The following TTC3 variants were observed in gnomAD, a reference collection of about 807,000 sequenced individuals.
TTC3 encodes the protein E3 ubiquitin-protein ligase TTC3.
In TTC3, 180 loss-of-function variants were observed where a neutral mutation model predicts 249.6. The observed-to-expected ratio is 0.72, with a 90% CI of 0.64 to 0.82. The LOEUF is 0.82. Among genes scored for constraint, TTC3 ranks in the 40% least tolerant of loss-of-function variants. The pLI, the probability that TTC3 is intolerant of heterozygous loss-of-function variation, is 0.00. For missense variants in TTC3, 2,061 were observed against 2,398.4 expected (o/e 0.86, Z 2.94); for synonymous variants, 717 against 805.0 (o/e 0.89, Z 1.85).
At chr21:37,195,710 C>T (rs767288497) in exon 42 of TTC3, 11 of 1,613,200 alleles carry the variant, frequency 6.8e-6, no homozygotes, top group East Asian at 6.7e-5. Context: ...CTTCAGGCGA[C>T]GATGGCCAAG....
intron 45 of TTC3, 108 bp from the exon 46 acceptor site, chr21:37,201,332 A>T: frequency 7.1e-7 from 1 of 1,407,104 alleles, no homozygotes; most frequent in Non-Finnish European, 1.0e-6. Context: ...CAGGCCCAAG[A>T]GACCAAGGGC....
intron 21 of TTC3, among the ~76,000 whole-genome samples, chr21:37,145,921 T>C (rs187274422): frequency 6.6e-6 from 1 of 152,340 alleles, no homozygotes; most frequent in African/African-American, 2.4e-5. Flanking sequence ...CCTCCCACTG[T>C]GCCTCACCTC....
At chr21:37,113,606 T>C (rs994535319) in intron 11 of TTC3, among the ~76,000 whole-genome samples, 1 of 152,132 alleles carries the variant, frequency 6.6e-6, no homozygotes, top group Non-Finnish European at 1.5e-5. Context: ...AATGGCCATA[T>C]TGCCCAAGGT....
At chr21:37,170,862 G>T (rs2081713012) in intron 34 of TTC3, among the ~76,000 whole-genome samples, 1 of 152,092 alleles carries the variant, frequency 6.6e-6, no homozygotes, top group Non-Finnish European at 1.5e-5. Context: ...TTAATATTTT[G>T]ATGTGTAGCC....
At chr21:37,165,717 G>C in exon 33 of TTC3, 1 of 1,613,700 alleles carries the variant, frequency 6.2e-7, no homozygotes, top group South Asian at 1.1e-5. Flanking sequence ...ATTGACAACT[G>C]TATTGCACTG....
chr21:37,149,697 G>T (rs986575981), intron 23 of TTC3, among the ~76,000 whole-genome samples: 1 of 151,658 alleles, frequency 6.6e-6, no homozygotes, highest in Non-Finnish European at 1.5e-5. Context: ...GCTTTATTTT[G>T]TGTGGCTCTA....
At chr21:37,130,800 C>CTTTAT (rs55746303) in intron 16 of TTC3, among the ~76,000 whole-genome samples, 1 of 151,416 alleles carries the variant, frequency 6.6e-6, no homozygotes, top group Non-Finnish European at 1.5e-5. Context: ...TCTTTTTCTT[C>CTTTAT]TTCCTTTGAG....
At chr21:37,161,045 G>A (rs1391048328) in intron 30 of TTC3, among the ~76,000 whole-genome samples, 187 bp downstream of exon 30, 1 of 151,692 alleles carries the variant, frequency 6.6e-6, no homozygotes, top group Admixed American at 6.6e-5. Context: ...TTATATAATA[G>A]CAAGTCTTGA....
intron 21 of TTC3, among the ~76,000 whole-genome samples, chr21:37,146,249 C>T (rs2078972057): frequency 6.6e-6 from 1 of 152,010 alleles, no homozygotes; most frequent in South Asian, 2.1e-4. Context: ...AAACAAATGG[C>T]CAGTCTTGGT....
chr21:37,136,291 C>T (rs1472077487), intron 18 of TTC3, among the ~76,000 whole-genome samples: 2 of 152,130 alleles, frequency 1.3e-5, no homozygotes, highest in Admixed American at 6.6e-5. Flanking sequence ...GATTAAGCTT[C>T]GTGAGGAAGG....
exon 23 of TTC3, chr21:37,148,587 A>G (rs751573826): frequency 4.1e-5 from 66 of 1,604,906 alleles, no homozygotes; most frequent in Admixed American, 1.2e-4. Flanking sequence ...GTAAAATAGA[A>G]TTTCACATGA....
chr21:37,136,303 A>G (rs1024267129), intron 18 of TTC3, among the ~76,000 whole-genome samples: 1 of 152,362 alleles, frequency 6.6e-6, no homozygotes, highest in African/African-American at 2.4e-5. Context: ...TGAGGAAGGT[A>G]TGTTGAAAGC....
chr21:37,159,963 A>T (rs2056894926), intron 29 of TTC3, among the ~76,000 whole-genome samples: 1 of 152,230 alleles, frequency 6.6e-6, no homozygotes, highest in South Asian at 2.1e-4. Flanking sequence ...GGCTTAAATT[A>T]GACAATTTCT....
chr21:37,089,460 A>G (rs983708049), intron 5 of TTC3, among the ~76,000 whole-genome samples: 1 of 152,162 alleles, frequency 6.6e-6, no homozygotes, highest in Non-Finnish European at 1.5e-5. Flanking sequence ...AGTTATTTGC[A>G]GTAACATACA....
chr21:37,145,290 A>G (rs1272329853), intron 21 of TTC3, among the ~76,000 whole-genome samples: 2 of 152,206 alleles, frequency 1.3e-5, no homozygotes, highest in Admixed American at 6.5e-5. Context: ...TTACAACTCA[A>G]TAATAAAAAG....
At chr21:37,121,757 C>T in intron 11 of TTC3, 60 bp from the exon 12 acceptor site, 4 of 1,431,250 alleles carry the variant, frequency 2.8e-6, no homozygotes, top group South Asian at 3.2e-5. Flanking sequence ...TTTTCCTTAC[C>T]TGTTTTCTTT....
At chr21:37,086,665 G>T (rs1425960744) in intron 1 of TTC3, 1 of 152,958 alleles carries the variant, frequency 6.5e-6, no homozygotes, top group Non-Finnish European at 1.5e-5. Context: ...GAGATTGGCA[G>T]ACTTACCCTG....
chr21:37,089,202 A>C (rs1010159349), intron 5 of TTC3, among the ~76,000 whole-genome samples: 1 of 152,248 alleles, frequency 6.6e-6, no homozygotes, highest in Non-Finnish European at 1.5e-5. Context: ...GATGTGCTCT[A>C]TCTGTTGATA....
chr21:37,148,484 T>G (rs2079169987), intron 22 of TTC3, 62 bp from the exon 23 acceptor site: 2 of 795,226 alleles, frequency 2.5e-6, no homozygotes, highest in Non-Finnish European at 3.9e-6. Flanking sequence ...ATGTATGTTG[T>G]AGTGAGTGAG....
Sources: gnomAD v4.1 joint callset for allele counts (sites outside exome capture counted in the v4.1 genomes callset) on GRCh38, gnomAD v4.1.1 for gene constraint, MANE v1.5 for transcripts, NCBI Gene and HGNC (gene_info 2026-07-23, HGNC 2026-07-21) for gene names.